Variants in SLC37A2 observed in about 807,000 individuals in gnomAD.
SLC37A2 encodes glucose-6-phosphate exchanger SLC37A2.
A neutral mutation model predicts 70.7 loss-of-function variants in SLC37A2; 59 were observed. The ratio of observed to expected loss-of-function variants is 0.83; its 90% CI spans 0.68 to 1.04. The LOEUF (loss-of-function observed/expected upper bound fraction) is 1.04. Ranked by LOEUF, SLC37A2 falls within the 50% of genes least tolerant of loss-of-function variation. The probability of loss-of-function intolerance (pLI) is 0.00; values close to 1 mark genes in which losing one functional copy is unlikely to be tolerated. For missense variants in SLC37A2, 580 were observed against 658.1 expected (o/e 0.88, Z 1.30); for synonymous variants, 257 against 262.1 (o/e 0.98, Z 0.19).
intron 12 of SLC37A2, 40 bp from the exon 13 acceptor site, chr11:125,084,785 G>C (rs956353782): frequency 6.2e-7 from 1 of 1,607,536 alleles, no homozygotes; most frequent in African/African-American, 1.3e-5. Context: ...GCCAGCAAAG[G>C]GATTCCGGGT....
intron 10 of SLC37A2, among the ~76,000 whole-genome samples, chr11:125,082,535 T>TG (rs1949161932): frequency 6.6e-6 from 1 of 152,142 alleles, no homozygotes; most frequent in Admixed American, 6.5e-5. Context: ...CCCTAGACCC[T>TG]GACTCCAGCC....
intron 1 of SLC37A2, among the ~76,000 whole-genome samples, chr11:125,073,481 G>A (rs78232361): frequency 6.6e-6 from 1 of 152,222 alleles, no homozygotes; most frequent in African/African-American, 2.4e-5. Flanking sequence ...TAACAGAGCA[G>A]TGTGGGCCGC....
chr11:125,071,985 C>T (rs1949034272), intron 1 of SLC37A2, among the ~76,000 whole-genome samples: 1 of 152,080 alleles, frequency 6.6e-6, no homozygotes, highest in Non-Finnish European at 1.5e-5. Context: ...TTTCTCTGGA[C>T]AAGTGCCAAA....
rs1313697289 is a variant in SLC37A2, at chr11:125,080,644, C to T, written c.558C>T (p.Ser186=). Residue 186 remains serine (S), a synonymous_variant, in exon 7 of 18, where the codon TCC becomes TCT. Coordinates refer to ENST00000403796, the MANE Select transcript of SLC37A2 (RefSeq NM_001145290.2). The surrounding 1 kb of genome is among the most constrained non-coding windows in gnomAD (Gnocchi z 4.3). ...KRGFIMGIWN[S]HTSVGNILGS... ...GGTTCATCATGGGCATCTGGAATTC[C>T]CACACATCTGTGGGCAACATCCTGG... The T allele has an allele frequency of 6.5e-7, 1 of 1,540,644 alleles. No homozygotes were observed.
chr11:125,074,508 C>T (rs573328334), intron 1 of SLC37A2, among the ~76,000 whole-genome samples: 13 of 151,158 alleles, frequency 8.6e-5, no homozygotes, highest in African/African-American at 2.4e-4. Flanking sequence ...CTGAGGTTGT[C>T]GGGGACAGAA....
chr11:125,070,012 G>C (rs1055775925), intron 1 of SLC37A2, among the ~76,000 whole-genome samples: 1 of 152,230 alleles, frequency 6.6e-6, no homozygotes, highest in African/African-American at 2.4e-5. Flanking sequence ...ACTGTGGCTG[G>C]TGCTTATGGG....
At chr11:125,076,926 TC>T in intron 2 of SLC37A2, 88 bp downstream of exon 2, 1 of 1,280,946 alleles carries the variant, frequency 7.8e-7, no homozygotes, top group South Asian at 1.2e-5. Flanking sequence ...GGTTGCACCT[TC>T]ACCTGGCAGG....
Position 125,083,697 on chromosome 11 carries a change from C to T in SLC37A2, c.977-118C>T. 1 of 907,460 alleles carries T rather than the reference C, an allele frequency of 1.1e-6. No homozygotes were observed. The highest frequency in any genetic ancestry group is 2.2e-4 in the Middle Eastern group (1 of 4,492). 56.2% of individuals were successfully genotyped at this position (907,460 alleles called of 1,614,324 possible). ...GCCAGCCTGCTCCACAGGTCCCCAG[C>T]TCTTCCTCGGAAAAGGGGGCAGTGG... On this transcript the variant is annotated intron_variant, in intron 10 of 17. Coordinates refer to ENST00000403796, the MANE Select transcript of SLC37A2 (RefSeq NM_001145290.2). This position sits in a 1 kb window ranked among gnomAD's most constrained non-coding sequence, Gnocchi z 4.6.
At chr11:125,078,973 C>A in intron 4 of SLC37A2, 139 bp from the exon 5 acceptor site, 1 of 1,053,916 alleles carries the variant, frequency 9.5e-7, no homozygotes, top group Non-Finnish European at 1.4e-6. Context: ...AGAGGTTGGC[C>A]CCGTCACATG....
chr11:125,089,488 G>C lies in SLC37A2; in HGVS notation c.*1354G>C, dbSNP rs1394082918. 6.5e-6 allele frequency: 1 copy of C among 153,422 alleles called. No individual in the cohort carries two copies. The highest frequency in any genetic ancestry group is 1.4e-5 in the Non-Finnish European group (1 of 68,984). The allele number at this position is 153,422 out of a possible 1,614,324, so 9.5% of individuals were successfully genotyped here. ...AGCAGGCTCCCTCAGCTTGCAGGGA[G>C]GTGTGGAGCGAGAGGCGCGAGCGGG... On this transcript the variant is annotated 3_prime_UTR_variant, in exon 18 of 18. Coordinates refer to ENST00000403796, the MANE Select transcript of SLC37A2 (RefSeq NM_001145290.2).
At chr11:125,086,617 G>C in intron 17 of SLC37A2, 1 of 323,448 alleles carries the variant, frequency 3.1e-6, no homozygotes, top group Non-Finnish European at 5.9e-6. Context: ...GGGGTATGCA[G>C]AACAAAAGCA....
At chr11:125,086,300 G>T in intron 17 of SLC37A2, 2 of 1,445,952 alleles carry the variant, frequency 1.4e-6, no homozygotes, top group South Asian at 1.1e-5. Context: ...AGTGCCATTT[G>T]AGTGGGGGCT....
intron 17 of SLC37A2, 116 bp downstream of exon 17, chr11:125,086,134 C>CACTG: frequency 1.3e-6 from 2 of 1,527,910 alleles, no homozygotes; most frequent in Non-Finnish European, 9.1e-7. Context: ...ACCTGAGGAG[C>CACTG]ACTGAGCCAG....
Position 125,086,133 on chromosome 11 carries a change from G to A in SLC37A2, c.1490+115G>A, listed in dbSNP as rs149185759. 2.6e-4 allele frequency: 394 copies of A among 1,528,080 alleles called. 1 individual carries two copies. The African/African-American group carries it at 4.8e-3, about 19-fold the overall frequency. 94.7% of individuals were successfully genotyped at this position (1,528,080 alleles called of 1,614,324 possible). ...GGCTCGACCAGCCCAGACCTGAGGA[G>A]CACTGAGCCAGTCCCTGGGTGGCCC... On this transcript the variant is annotated intron_variant, in intron 17 of 17. Coordinates refer to ENST00000403796, the MANE Select transcript of SLC37A2 (RefSeq NM_001145290.2).
At position 125,077,291 on chromosome 11, in the gene SLC37A2, A is replaced by G. The variant is rs758746600; in HGVS notation, c.203A>G (p.Asn68Ser). 1.9e-6 allele frequency: 3 copies of G among 1,608,610 alleles called. No homozygotes were observed. Among genetic ancestry groups the G allele is most frequent in the South Asian group, 1.1e-5 (1 of 89,990 alleles). The change falls in exon 3 of 18, where the codon AAT becomes AGT. Residue 68 changes from asparagine (N) to serine (S), a missense_variant. By Grantham distance (46) the Asn-to-Ser change is conservative. Transcript: ENST00000403796. ...IKPINDTHSL[N>S]DTMWCSWAPF... The stretch of plus-strand genomic sequence containing the variant: ...CCCATCAATGATACTCACAGTCTCA[A>G]TGACACCATGTGGTGCAGCTGGGCC...
chr11:125,079,418 CAG>C (rs1949124570), intron 5 of SLC37A2, among the ~76,000 whole-genome samples, 171 bp downstream of exon 5: 1 of 152,192 alleles, frequency 6.6e-6, no homozygotes, highest in African/African-American at 2.4e-5. Flanking sequence ...TTTGTTCACT[CAG>C]AGAGTTGGCC....
In SLC37A2 at chr11:125,083,852, A is replaced by T. The variant is rs1391716762; in HGVS notation, c.1014A>T (p.Thr338=). 2 of 1,613,586 alleles carry T rather than the reference A, an allele frequency of 1.2e-6. No homozygotes were observed. The highest frequency in any genetic ancestry group is 2.2e-5 in the South Asian group (2 of 91,050). The part of the protein sequence containing the change: ...FSAKEAGDLS[T]LFDVGGIIGG... ...CCAAGGAGGCTGGGGACCTGTCTAC[A>T]CTCTTCGATGTTGGTGGCATCATAG... is the stretch of plus-strand genomic sequence containing the variant. The change falls in exon 11 of 18, where the codon ACA becomes ACT. Residue 338 remains threonine, a synonymous_variant. Coordinates refer to ENST00000403796, the MANE Select transcript of SLC37A2 (RefSeq NM_001145290.2). The surrounding 1 kb of genome is among the most constrained non-coding windows in gnomAD (Gnocchi z 4.6).
chr11:125,067,145 A>C (rs1422369137), intron 1 of SLC37A2, among the ~76,000 whole-genome samples: 3 of 151,966 alleles, frequency 2.0e-5, no homozygotes, highest in African/African-American at 7.3e-5. Context: ...ACACCCAGCT[A>C]AGTTTTTTAT....
intron 1 of SLC37A2, among the ~76,000 whole-genome samples, chr11:125,068,989 A>G (rs929661021): frequency 3.3e-5 from 5 of 152,234 alleles, no homozygotes; most frequent in Non-Finnish European, 7.3e-5. Flanking sequence ...CCTCTGTAAA[A>G]TGAGGATAAT....
Sources: allele counts gnomAD v4.1 joint callset (sites outside exome capture counted in the v4.1 genomes callset), GRCh38; gene constraint gnomAD v4.1.1; non-coding constraint Gnocchi (gnomAD v3.1); transcripts MANE v1.5; gene names NCBI Gene and HGNC (gene_info 2026-07-23, HGNC 2026-07-21).